ST7: variants seen among roughly 807,000 people sequenced by gnomAD.
ST7 encodes the protein suppressor of tumorigenicity 7 protein.
ST7 carries 28 observed loss-of-function variants against 78.7 expected under a neutral mutation model. The observed-to-expected ratio is 0.36, with a 90% CI of 0.26 to 0.49. The LOEUF is 0.49. Among genes scored for constraint, ST7 ranks in the 20% least tolerant of loss-of-function variants. The pLI is 0.99. For synonymous variants in ST7, 247 were observed against 249.6 expected (o/e 0.99, Z 0.10); for missense variants, 418 against 696.0 (o/e 0.60, Z 4.49).
chr7:117,222,093 G>C, intron 15 of ST7, 31 bp downstream of exon 15: 2 of 1,583,048 alleles, frequency 1.3e-6, no homozygotes, highest in Middle Eastern at 1.8e-4. Flanking sequence ...AGGCCTTGGG[G>C]AATGGATGGG....
intron 1 of ST7, among the ~76,000 whole-genome samples, chr7:116,987,352 A>T (rs1204704176): frequency 6.6e-6 from 1 of 152,186 alleles, no homozygotes; most frequent in Non-Finnish European, 1.5e-5. Context: ...GGGTGTGCAC[A>T]TCCTATTATG....
intron 1 of ST7, among the ~76,000 whole-genome samples, chr7:117,021,465 T>C (rs907620563): frequency 6.6e-6 from 1 of 152,250 alleles, no homozygotes; most frequent in Admixed American, 6.5e-5. Flanking sequence ...AAAGAGACTT[T>C]CAACCTGCTG....
intron 1 of ST7, among the ~76,000 whole-genome samples, chr7:116,993,298 A>G (rs1442995275): frequency 6.6e-6 from 1 of 152,224 alleles, no homozygotes; most frequent in Non-Finnish European, 1.5e-5. Context: ...ACAATTCCAC[A>G]TGGCTGGGGA....
intron 1 of ST7, among the ~76,000 whole-genome samples, chr7:116,968,964 TA>T (rs1340867289): frequency 6.6e-6 from 1 of 152,182 alleles, no homozygotes; most frequent in Non-Finnish European, 1.5e-5. Context: ...GAAATTCTGA[TA>T]TATTTTACCT....
chr7:116,975,199 G>A (rs748336171), intron 1 of ST7, among the ~76,000 whole-genome samples: 7 of 152,138 alleles, frequency 4.6e-5, no homozygotes, highest in African/African-American at 7.2e-5. Flanking sequence ...GCAAGAGAGC[G>A]TGTGCAGGGG....
chr7:116,991,234 C>T (rs1209881061), intron 1 of ST7, among the ~76,000 whole-genome samples: 2 of 152,202 alleles, frequency 1.3e-5, no homozygotes, highest in Non-Finnish European at 2.9e-5. Flanking sequence ...TCCACCCTGA[C>T]ACATGCCTCC....
At chr7:117,024,444 G>A (rs1396759161) in intron 1 of ST7, among the ~76,000 whole-genome samples, 1 of 152,136 alleles carries the variant, frequency 6.6e-6, no homozygotes, top group Non-Finnish European at 1.5e-5. Flanking sequence ...CACTTAAGAA[G>A]TACTGTGGTG....
chr7:117,013,649 G>A (rs1795475137), intron 1 of ST7, among the ~76,000 whole-genome samples: 2 of 152,146 alleles, frequency 1.3e-5, no homozygotes, highest in Admixed American at 1.3e-4. Context: ...CCAATGTGGC[G>A]AAACCCCATT....
chr7:117,056,278 T>A (rs534738147), intron 1 of ST7, among the ~76,000 whole-genome samples: 1 of 151,602 alleles, frequency 6.6e-6, no homozygotes, highest in Non-Finnish European at 1.5e-5. Flanking sequence ...GATAAAAGGG[T>A]TTTTGTGCAG....
intron 1 of ST7, among the ~76,000 whole-genome samples, chr7:117,070,340 C>CTTTTATTTATATTTTAT (rs1378536252): frequency 6.6e-6 from 1 of 152,146 alleles, no homozygotes; most frequent in Non-Finnish European, 1.5e-5. Context: ...GACGATGAAC[C>CTTTTATTTATATTTTAT]ATAAAATATA....
intron 9 of ST7, among the ~76,000 whole-genome samples, chr7:117,149,592 C>CTTTTTTTTT (rs59067333): frequency 1.2e-5 from 1 of 83,942 alleles, no homozygotes; most frequent in Non-Finnish European, 2.4e-5. Context: ...CGTGTCCTAC[C>CTTTTTTTTT]TTTTTTTTTT....
chr7:117,123,096 T>C (rs374374667), intron 3 of ST7, among the ~76,000 whole-genome samples: 1 of 152,190 alleles, frequency 6.6e-6, no homozygotes, highest in East Asian at 1.9e-4. Flanking sequence ...TTTGCTGAAT[T>C]GTACATGAAA....
intron 1 of ST7, among the ~76,000 whole-genome samples, chr7:117,009,265 T>G (rs928722611): frequency 4.9e-4 from 13 of 26,536 alleles, no homozygotes; most frequent in Middle Eastern, 0.013. Context: ...TTGTTTTTTT[T>G]TTTTTGTTTT....
At chr7:117,147,058 T>C (rs1221119465) in intron 9 of ST7, among the ~76,000 whole-genome samples, 3 of 152,178 alleles carry the variant, frequency 2.0e-5, no homozygotes, top group Non-Finnish European at 4.4e-5. Context: ...TAGTGTCTTG[T>C]GTGTTTAATT....
intron 1 of ST7, among the ~76,000 whole-genome samples, chr7:117,070,055 T>C (rs1180097854): frequency 6.6e-6 from 1 of 152,258 alleles, no homozygotes; most frequent in Non-Finnish European, 1.5e-5. Flanking sequence ...CTTGATGTTA[T>C]ATGTACCTGC....
At chr7:116,972,853 T>C in intron 1 of ST7, 1 of 1,205,392 alleles carries the variant, frequency 8.3e-7, no homozygotes, top group Non-Finnish European at 1.2e-6. Context: ...ATCATCTGCC[T>C]GCTGCTGCAG....
intron 12 of ST7, among the ~76,000 whole-genome samples, chr7:117,197,936 T>A (rs758948253): frequency 6.6e-6 from 1 of 152,036 alleles, no homozygotes; most frequent in African/African-American, 2.4e-5. Context: ...ACAAAAAAAT[T>A]AGCTGGGTGT....
intron 10 of ST7, among the ~76,000 whole-genome samples, chr7:117,176,634 A>G (rs1808360231): frequency 6.6e-6 from 1 of 152,204 alleles, no homozygotes; most frequent in Non-Finnish European, 1.5e-5. Context: ...TGGTTACTGG[A>G]TACCCTGTCT....
chr7:117,175,817 A>T (rs1808306320), intron 10 of ST7, among the ~76,000 whole-genome samples: 2 of 152,126 alleles, frequency 1.3e-5, no homozygotes, highest in Admixed American at 1.3e-4. Flanking sequence ...CAAAAGTGTC[A>T]CTCCTAAACT....
Sources: gnomAD v4.1 joint callset for allele counts (sites outside exome capture counted in the v4.1 genomes callset) on GRCh38, gnomAD v4.1.1 for gene constraint, MANE v1.5 for transcripts, NCBI Gene and HGNC (gene_info 2026-07-23, HGNC 2026-07-21) for gene names.